CSMD1: variants seen among roughly 807,000 people sequenced by gnomAD.
CSMD1 encodes the protein CUB and Sushi multiple domains 1, also known as CUB and sushi domain-containing protein 1.
CSMD1 carries 213 observed loss-of-function variants against 417.5 expected under a neutral mutation model. The ratio of observed to expected loss-of-function variants is 0.51; its 90% CI spans 0.46 to 0.57. CSMD1 has a LOEUF of 0.57. Among genes scored for constraint, CSMD1 ranks in the 20% least tolerant of loss-of-function variants. The pLI is 0.00. For synonymous variants in CSMD1, 2,862 were observed against 1,736.8 expected, an observed-to-expected ratio of 1.65 and a Z score of -16.11; for missense variants, 6,923 against 4,529.7, an observed-to-expected ratio of 1.53 and a Z score of -15.17.
chr8:3,665,447 T>C (rs1228705812), intron 7 of CSMD1, among the ~76,000 whole-genome samples: 2 of 152,116 alleles, frequency 1.3e-5, no homozygotes, highest in African/African-American at 4.8e-5. Context: ...AAGAATTGCT[T>C]GAACCCGGGA....
Position 4,717,562 on chromosome 8 carries a change from C to CCA in CSMD1, c.86-80005_86-80004insTG, listed in dbSNP as rs1303604901. Among the ~76,000 whole-genome samples the CCA allele has an allele frequency of 1.7e-3, 220 of 127,402 alleles. 5 individuals carry two copies. The South Asian group carries it at 0.044, about 25-fold the overall frequency. The allele number at this position is 127,402 out of a possible 152,430, so 83.6% of individuals were successfully genotyped here. On this transcript the variant is annotated intron_variant, in intron 1 of 69. Coordinates refer to ENST00000635120, the MANE Select transcript of CSMD1 (RefSeq NM_033225.6). ...TCTGTCTGTCTACCTATCTATCTAT[C>CCA]TATCCATCCATCCATCCATCCATAC...
At position 2,978,779 on chromosome 8, in the gene CSMD1, C is replaced by T; in HGVS notation, c.8399G>A (p.Gly2800Asp). ...TCRVVNCSDP[G>D]FVENAIRHGQ... is the part of the protein sequence containing the mutation. ...GTGACGAATGGCATTTTCCACAAAG[C>T]CTGGATCAGAACAGTTCACCACTAG... The change falls in exon 55 of 70, where the codon GGC becomes GAC. Residue 2800 changes from glycine to aspartate, a missense_variant. Coordinates refer to ENST00000635120, the MANE Select transcript of CSMD1 (RefSeq NM_033225.6). 1 of 1,613,144 alleles carries T rather than the reference C, an allele frequency of 6.2e-7. No homozygotes were observed. Among genetic ancestry groups the T allele is most frequent in the South Asian group, 1.1e-5 (1 of 90,832 alleles).
intron 1 of CSMD1, among the ~76,000 whole-genome samples, chr8:4,767,317 G>C (rs1812531924): frequency 6.6e-6 from 1 of 152,154 alleles, no homozygotes; most frequent in Non-Finnish European, 1.5e-5. Flanking sequence ...ATAGAAAATA[G>C]ACATTTATTT....
intron 5 of CSMD1, among the ~76,000 whole-genome samples, chr8:3,800,040 T>C (rs1800372740): frequency 6.6e-6 from 1 of 152,174 alleles, no homozygotes; most frequent in Non-Finnish European, 1.5e-5. Context: ...ACCTCAATTC[T>C]TTTGTCACTG....
chr8:4,825,424 G>T (rs529686743), intron 1 of CSMD1, among the ~76,000 whole-genome samples: 1 of 152,112 alleles, frequency 6.6e-6, no homozygotes, highest in Non-Finnish European at 1.5e-5. Context: ...TCTAGGCACA[G>T]TGTAGACCAG....
At chr8:4,599,452 G>A (rs1007562534) in intron 2 of CSMD1, among the ~76,000 whole-genome samples, 1 of 151,192 alleles carries the variant, frequency 6.6e-6, no homozygotes, top group African/African-American at 2.4e-5. Context: ...ACCTAATTAA[G>A]AGAAGACAGA....
intron 1 of CSMD1, among the ~76,000 whole-genome samples, chr8:4,768,195 G>C (rs896886775): frequency 6.6e-6 from 1 of 152,142 alleles, no homozygotes; most frequent in Non-Finnish European, 1.5e-5. Flanking sequence ...ACTTTGGGAA[G>C]ATGCCTTTTA....
intron 1 of CSMD1, among the ~76,000 whole-genome samples, chr8:4,866,256 T>A (rs977174420): frequency 6.6e-6 from 1 of 152,058 alleles, no homozygotes; most frequent in East Asian, 1.9e-4. Flanking sequence ...TCACATTAAA[T>A]CTCTTCACTT....
At chr8:3,267,272 C>G (rs1029483451) in intron 26 of CSMD1, among the ~76,000 whole-genome samples, 1 of 152,312 alleles carries the variant, frequency 6.6e-6, no homozygotes, top group African/African-American at 2.4e-5. Context: ...AAGGGAAACC[C>G]CCTGATAGCT....
intron 6 of CSMD1, among the ~76,000 whole-genome samples, chr8:3,715,497 C>G (rs907881459): frequency 1.3e-5 from 2 of 152,018 alleles, no homozygotes; most frequent in African/African-American, 4.8e-5. Context: ...ATGTGTTGTT[C>G]CATTTCCCAT....
chr8:3,472,857 A>C (rs929965133), intron 11 of CSMD1, among the ~76,000 whole-genome samples: 2 of 151,874 alleles, frequency 1.3e-5, no homozygotes, highest in South Asian at 4.1e-4. Flanking sequence ...TTTTCATGTC[A>C]CCAGTCATCG....
rs149556553 is a variant in CSMD1 at position 4,484,495 on chromosome 8, G to C, written c.303-64430C>G. On this transcript the variant is annotated intron_variant, in intron 2 of 69. Transcript: ENST00000635120. ...TTTGAAGGAGGCACAAAAGAGAACA[G>C]GGGATCTTAAGCAAGTTTGGTAAGT... 2.6e-5 allele frequency among the ~76,000 whole-genome samples: 4 copies of C among 152,156 alleles called. No homozygotes were observed. The East Asian group carries it at 5.8e-4, about 22-fold the overall frequency.
intron 1 of CSMD1, among the ~76,000 whole-genome samples, chr8:4,841,905 C>A (rs1385154841): frequency 2.2e-4 from 17 of 78,460 alleles, no homozygotes; most frequent in African/African-American, 9.6e-4. Context: ...GAGCAAAACT[C>A]CGTCTCAAAA....
intron 3 of CSMD1, among the ~76,000 whole-genome samples, chr8:4,111,470 G>A (rs1378623993): frequency 6.6e-6 from 1 of 152,152 alleles, no homozygotes; most frequent in Non-Finnish European, 1.5e-5. Flanking sequence ...ACATGCACGA[G>A]TATGTTCATT....
At chr8:3,190,831 A>G (rs1475829596) in intron 33 of CSMD1, among the ~76,000 whole-genome samples, 1 of 152,248 alleles carries the variant, frequency 6.6e-6, no homozygotes, top group Non-Finnish European at 1.5e-5. Flanking sequence ...CCTTGAGGAC[A>G]TCGTGCTAAG....
intron 5 of CSMD1, among the ~76,000 whole-genome samples, chr8:3,928,308 G>T (rs930854668): frequency 2.0e-5 from 3 of 152,170 alleles, no homozygotes; most frequent in Non-Finnish European, 4.4e-5. Context: ...CTTCTTGAAT[G>T]TATTTTTCTT....
intron 1 of CSMD1, among the ~76,000 whole-genome samples, chr8:4,960,754 G>T (rs1462407311): frequency 6.6e-6 from 1 of 151,998 alleles, no homozygotes. Flanking sequence ...CTTTATAAGG[G>T]TACACAAGTT....
At chr8:3,268,287 C>CTTTTTT (rs1172040830) in intron 26 of CSMD1, among the ~76,000 whole-genome samples, 1,685 of 114,138 alleles carry the variant, frequency 0.015, 139 homozygotes, top group South Asian at 0.027. Flanking sequence ...GGTTCATTTC[C>CTTTTTT]TATTTTTTTT....
chr8:4,117,296 G>A (rs911170127), intron 3 of CSMD1, among the ~76,000 whole-genome samples: 1 of 151,208 alleles, frequency 6.6e-6, no homozygotes, highest in African/African-American at 2.4e-5. Flanking sequence ...TGCGTGGCTG[G>A]CTGGTGGGAT....
Sources: gnomAD v4.1 joint callset for allele counts (sites outside exome capture counted in the v4.1 genomes callset) on GRCh38, gnomAD v4.1.1 for gene constraint, MANE v1.5 for transcripts, NCBI Gene and HGNC (gene_info 2026-07-23, HGNC 2026-07-21) for gene names.